SOX6: variants seen among roughly 807,000 people sequenced by gnomAD.
SOX6 encodes transcription factor SOX-6.
A neutral mutation model predicts 97.8 loss-of-function variants in SOX6; 11 were observed. The observed-to-expected ratio is 0.11, with a 90% confidence interval of 0.07 to 0.19. The LOEUF (loss-of-function observed/expected upper bound fraction) is 0.19, where lower values mean the gene tolerates loss of function less well. Ranked by LOEUF, SOX6 falls within the 10% of genes least tolerant of loss-of-function variation. The pLI is 1.00. For synonymous variants in SOX6, 360 were observed against 371.4 expected, an observed-to-expected ratio of 0.97 and a Z score of 0.35; for missense variants, 810 against 1,039.5, an observed-to-expected ratio of 0.78 and a Z score of 3.04.
chr11:16,011,176 T>G (rs985057059), intron 13 of SOX6, among the ~76,000 whole-genome samples: 19 of 151,962 alleles, frequency 1.3e-4, no homozygotes, highest in Admixed American at 7.9e-4. Flanking sequence ...ATACGAAAAG[T>G]CCATAAAAAG....
chr11:16,728,259 C>T (rs1848322605), intron 2 of SOX6, among the ~76,000 whole-genome samples: 1 of 152,214 alleles, frequency 6.6e-6, no homozygotes, highest in Admixed American at 6.5e-5. Context: ...CAAGTGGGTC[C>T]CTGACCCCAG....
At position 16,000,795 on chromosome 11, in the gene SOX6, T is replaced by G. The variant is rs554908982; in HGVS notation, c.1733-11565A>C. Among the ~76,000 whole-genome samples, 13 of 152,260 alleles carry G rather than the reference T, an allele frequency of 8.5e-5. No homozygotes were observed. The South Asian group carries it at 2.7e-3, about 32-fold the overall frequency. On this transcript the variant is annotated intron_variant, in intron 13 of 15. Transcript: ENST00000683767. ...AATAGAAAGGCCTAGTTATATATAA[T>G]GTACACATAAAAAATTCCATTGGGC...
intron 2 of SOX6, among the ~76,000 whole-genome samples, chr11:16,324,528 AT>A (rs1453607801): frequency 6.6e-6 from 1 of 152,156 alleles, no homozygotes; most frequent in Non-Finnish European, 1.5e-5. Flanking sequence ...AATATTCATA[AT>A]GTATTGTTAG....
chr11:15,978,667 A>G (rs1194886942), intron 15 of SOX6, among the ~76,000 whole-genome samples: 1 of 150,006 alleles, frequency 6.7e-6, no homozygotes, highest in Non-Finnish European at 1.5e-5. Context: ...AATATTATCT[A>G]TATGCTGACA....
intron 1 of SOX6, among the ~76,000 whole-genome samples, chr11:16,452,796 C>T (rs1376206652): frequency 2.6e-5 from 4 of 152,066 alleles, no homozygotes; most frequent in African/African-American, 9.7e-5. Context: ...TGTAAAGGAT[C>T]CCTGAAGAAA....
chr11:16,256,658 C>T (rs949457645), intron 3 of SOX6, among the ~76,000 whole-genome samples: 1 of 151,790 alleles, frequency 6.6e-6, no homozygotes, highest in Non-Finnish European at 1.5e-5. Flanking sequence ...GGGAGGATGT[C>T]CCCTCTTACC....
intron 4 of SOX6, among the ~76,000 whole-genome samples, chr11:16,525,863 C>T (rs193071072): frequency 3.3e-5 from 5 of 150,826 alleles, no homozygotes; most frequent in Admixed American, 3.3e-4. Flanking sequence ...ATTTATGCAG[C>T]CAAAAGACAC....
chr11:16,352,227 A>G (rs1374459348), intron 1 of SOX6, among the ~76,000 whole-genome samples: 1 of 151,406 alleles, frequency 6.6e-6, no homozygotes, highest in Non-Finnish European at 1.5e-5. Flanking sequence ...AAAGATGGAT[A>G]AATGAATGAA....
At chr11:16,066,776 G>C (rs528549075) in intron 9 of SOX6, among the ~76,000 whole-genome samples, 1 of 152,126 alleles carries the variant, frequency 6.6e-6, no homozygotes, top group Non-Finnish European at 1.5e-5. Context: ...TTTGGGGCAG[G>C]TAAGGATGGT....
rs1853318302 is a variant in SOX6, at chr11:15,971,700, G to A, written c.*1109C>T. 1 of 152,696 alleles carries A rather than the reference G, an allele frequency of 6.5e-6. No individual in the cohort carries two copies. Among genetic ancestry groups the A allele is most frequent in the South Asian group, 2.1e-4 (1 of 4,826 alleles). The allele number at this position is 152,696 out of a possible 1,614,324, so 9.5% of individuals were successfully genotyped here. On this transcript the variant is annotated 3_prime_UTR_variant, in exon 16 of 16. Transcript: ENST00000683767. ...TATCTTGGTTTCAGAAATGCTTCCA[G>A]GCGTTCTGGGGACATAAAATCACTA...
intron 7 of SOX6, among the ~76,000 whole-genome samples, chr11:16,104,849 A>C (rs1849038150): frequency 6.6e-6 from 1 of 152,098 alleles, no homozygotes; most frequent in Admixed American, 6.6e-5. Context: ...AAGAAGAAAT[A>C]GAAAACCTCA....
At chr11:15,985,189 T>C (rs1853792696) in intron 15 of SOX6, among the ~76,000 whole-genome samples, 1 of 152,354 alleles carries the variant, frequency 6.6e-6, no homozygotes, top group Middle Eastern at 3.4e-3. Context: ...AACAACTTTT[T>C]GTTCCACAGG....
At chr11:16,501,418 A>T (rs1860705633) in intron 4 of SOX6, among the ~76,000 whole-genome samples, 1 of 152,224 alleles carries the variant, frequency 6.6e-6, no homozygotes, top group Non-Finnish European at 1.5e-5. Context: ...TTCGTGTCTA[A>T]AACACCAAAT....
intron 3 of SOX6, among the ~76,000 whole-genome samples, chr11:16,263,949 T>A (rs1305756476): frequency 6.6e-6 from 1 of 152,028 alleles, no homozygotes; most frequent in East Asian, 1.9e-4. Context: ...AAAATACTGG[T>A]CCAATGTTAT....
At chr11:16,021,462 T>G (rs1378109838) in intron 12 of SOX6, among the ~76,000 whole-genome samples, 1 of 152,118 alleles carries the variant, frequency 6.6e-6, no homozygotes, top group Non-Finnish European at 1.5e-5. Context: ...ATTTAGTAAT[T>G]TAATGAATGA....
At chr11:16,120,153 CTT>C (rs1407008229) in intron 6 of SOX6, among the ~76,000 whole-genome samples, 3 of 137,258 alleles carry the variant, frequency 2.2e-5, no homozygotes, top group African/African-American at 8.2e-5. Context: ...CTGTCTCTCT[CTT>C]CCCTCCCCCT....
At chr11:16,606,212 T>C (rs1848331941) in intron 4 of SOX6, among the ~76,000 whole-genome samples, 1 of 148,106 alleles carries the variant, frequency 6.8e-6, no homozygotes, top group African/African-American at 2.5e-5. Flanking sequence ...CTCTTCTCTC[T>C]TTACTTCCCT....
In SOX6 at chr11:16,523,860, C is replaced by T. The variant is rs373625864; in HGVS notation, n.610-47472G>A. 4.2e-3 allele frequency among the ~76,000 whole-genome samples: 637 copies of T among 152,262 alleles called. 15 individuals carry two copies. The East Asian group carries it at 0.052, about 12-fold the overall frequency. ...TCAGAGAATACTACAAACACCTCTACGCAAACAAACTAGAAAATCTAGAAG... is the reference window on the plus strand; with the variant it reads ...TCAGAGAATACTACAAACACCTCTATGCAAACAAACTAGAAAATCTAGAAG... On this transcript the variant is annotated intron_variant and non_coding_transcript_variant, in intron 4 of 5. Coordinates refer to the SOX6 transcript ENST00000524520.
At chr11:16,054,049 A>G (rs1043321103) in intron 10 of SOX6, among the ~76,000 whole-genome samples, 2 of 152,152 alleles carry the variant, frequency 1.3e-5, no homozygotes, top group Admixed American at 1.3e-4. Flanking sequence ...ACCCAGAGAG[A>G]TCTCTAAGAA....
Sources: gnomAD v4.1 joint callset for allele counts (sites outside exome capture counted in the v4.1 genomes callset) on GRCh38, gnomAD v4.1.1 for gene constraint, MANE v1.5 for transcripts, NCBI Gene and HGNC (gene_info 2026-07-23, HGNC 2026-07-21) for gene names.